KLC1: variants seen among roughly 807,000 people sequenced by gnomAD.
KLC1 encodes kinesin light chain 1.
Under a neutral mutation model 84.2 loss-of-function variants are expected in KLC1, and 30 were observed. The ratio of observed to expected loss-of-function variants is 0.36; its 90% confidence interval spans 0.27 to 0.48. The LOEUF (loss-of-function observed/expected upper bound fraction) is 0.48, where lower values mean the gene tolerates loss of function less well. Among genes scored for constraint, KLC1 ranks in the 20% least tolerant of loss-of-function variants. The pLI, the probability that KLC1 is intolerant of heterozygous loss-of-function variation, is 0.99. For missense variants in KLC1, 499 were observed against 805.4 expected (o/e 0.62, Z 4.60); for synonymous variants, 289 against 293.3 (o/e 0.99, Z 0.15).
intron 5 of KLC1, among the ~76,000 whole-genome samples, chr14:103,667,743 C>A (rs1199102521): frequency 2.6e-5 from 4 of 152,218 alleles, no homozygotes; most frequent in Non-Finnish European, 5.9e-5. Flanking sequence ...TATATTAATA[C>A]GTGGCCAGAA....
intron 3 of KLC1, among the ~76,000 whole-genome samples, chr14:103,660,310 A>G (rs866460875): frequency 1.7e-4 from 25 of 151,136 alleles, no homozygotes; most frequent in African/African-American, 4.4e-4. Flanking sequence ...GTGAAACCCT[A>G]TCTCTACTAA....
Position 103,673,314 on chromosome 14 carries a change from A to T in KLC1, c.1162-18A>T. The stretch of plus-strand genomic sequence containing the variant: ...ACATCTGAAAGATATGAAATATTTT[A>T]TTTTATTTTATTTTAAGGCATCCTG... On this transcript the variant is annotated intron_variant, in intron 8 of 16. Transcript: ENST00000334553. 1 of 1,549,654 alleles carries T rather than the reference A, an allele frequency of 6.5e-7. No homozygotes were observed. The highest frequency in any genetic ancestry group is 8.7e-7 in the Non-Finnish European group (1 of 1,149,476).
chr14:103,664,447 T>A (rs1405061384), intron 5 of KLC1, among the ~76,000 whole-genome samples: 1 of 152,172 alleles, frequency 6.6e-6, no homozygotes. Context: ...CCACTGTGCC[T>A]GGCCAATTGT....
intron 1 of KLC1, among the ~76,000 whole-genome samples, chr14:103,643,337 G>C (rs1038594107): frequency 2.0e-5 from 3 of 152,178 alleles, no homozygotes; most frequent in Non-Finnish European, 4.4e-5. Flanking sequence ...ACTGTGTGTG[G>C]AGGTGGTGGT....
At chr14:103,660,787 T>A (rs2079212699) in intron 3 of KLC1, among the ~76,000 whole-genome samples, 2 of 151,698 alleles carry the variant, frequency 1.3e-5, no homozygotes, top group Admixed American at 1.3e-4. Context: ...GGAGACCCTG[T>A]CTCAGAAAAA....
intron 1 of KLC1, among the ~76,000 whole-genome samples, chr14:103,635,057 C>T (rs2076950326): frequency 6.6e-6 from 1 of 152,126 alleles, no homozygotes; most frequent in South Asian, 2.1e-4. Context: ...TTTTTGGAGG[C>T]AGATGAAAGC....
At chr14:103,685,239 T>C in intron 13 of KLC1, 7 of 1,405,104 alleles carry the variant, frequency 5.0e-6, no homozygotes, top group Non-Finnish European at 5.5e-6. Flanking sequence ...AAAATGTGTT[T>C]TTAAGAGAAT....
At chr14:103,657,871 G>C (rs1049620353) in intron 3 of KLC1, 95 bp downstream of exon 3, 10 of 843,020 alleles carry the variant, frequency 1.2e-5, no homozygotes. Context: ...TTTCATATTA[G>C]AACATATTAG....
chr14:103,658,453 T>A (rs2078996847), intron 3 of KLC1, among the ~76,000 whole-genome samples: 1 of 115,356 alleles, frequency 8.7e-6, no homozygotes, highest in South Asian at 2.7e-4. Context: ...TTTTTTTTTT[T>A]TAGTAGAGAT....
rs2082267058 is a variant in KLC1 at position 103,693,903 on chromosome 14, G to A, written c.1848+1478G>A. 1.6e-6 allele frequency: 2 copies of A among 1,289,868 alleles called. No homozygotes were observed. The highest frequency in any genetic ancestry group is 7.6e-5 in the Admixed American group (2 of 26,230). The allele number at this position is 1,289,868 out of a possible 1,614,324, so 79.9% of individuals were successfully genotyped here. On this transcript the variant is annotated intron_variant, in intron 15 of 16. Coordinates refer to ENST00000334553, the MANE Select transcript of KLC1 (RefSeq NM_001394837.1). This position sits in a 1 kb window ranked among gnomAD's most constrained non-coding sequence, Gnocchi z 5.1. ...CGCTGAGGTGGCTTCAGCACGCTGG[G>A]GATTGGCTCCTGCTCACGGATGCTG...
intron 1 of KLC1, among the ~76,000 whole-genome samples, chr14:103,637,349 G>T (rs909531530): frequency 6.6e-6 from 1 of 151,800 alleles, no homozygotes; most frequent in Admixed American, 6.6e-5. Context: ...GGCCAGTATG[G>T]TGAAACCCCG....
chr14:103,698,587 G>C, intron 15 of KLC1: 1 of 606,114 alleles, frequency 1.6e-6, no homozygotes, highest in Non-Finnish European at 2.9e-6. Context: ...CCTGTCCCCA[G>C]ACCCAGGGAG....
intron 1 of KLC1, among the ~76,000 whole-genome samples, chr14:103,644,011 C>G (rs970611559): frequency 5.3e-5 from 8 of 151,878 alleles, no homozygotes; most frequent in Non-Finnish European, 8.8e-5. Flanking sequence ...GTCAGGAGAT[C>G]GAGACCATCC....
At chr14:103,654,463 C>T (rs1307958060) in intron 1 of KLC1, 101 bp from the exon 2 acceptor site, 6 of 823,928 alleles carry the variant, frequency 7.3e-6, no homozygotes, top group African/African-American at 6.9e-5. Context: ...ATTTATTATT[C>T]CCCTATAAAA....
At chr14:103,635,505 G>A (rs539118885) in intron 1 of KLC1, among the ~76,000 whole-genome samples, 1 of 152,266 alleles carries the variant, frequency 6.6e-6, no homozygotes, top group South Asian at 2.1e-4. Context: ...TGTAATCCCA[G>A]CACTTTGGGA....
At position 103,657,658 on chromosome 14, in the gene KLC1, C is replaced by G. The variant is rs780492526; in HGVS notation, c.374C>G (p.Ala125Gly). Reference sequence around the variant, plus strand: ...AATCAGTGGCTACGGGATGAACTGGCCAACACGCAGCAGAAACTGCAGAAG... The same window carrying G: ...AATCAGTGGCTACGGGATGAACTGGGCAACACGCAGCAGAAACTGCAGAAG... ...QENQWLRDELANTQQKLQKSE... is the reference protein window; with the variant it reads ...QENQWLRDELGNTQQKLQKSE... The change falls in exon 3 of 17, where the codon GCC becomes GGC. Residue 125 changes from alanine to glycine, a missense_variant. By Grantham distance (60) the Ala-to-Gly change is moderately conservative. This residue lies in a region of KLC1 where 179 missense variants were observed against 264.2 expected (regional missense o/e 0.68). Coordinates refer to ENST00000334553, the MANE Select transcript of KLC1 (RefSeq NM_001394837.1). The G allele has an allele frequency of 6.2e-7, 1 of 1,614,078 alleles. No individual in the cohort carries two copies. Among genetic ancestry groups the G allele is most frequent in the South Asian group, 1.1e-5 (1 of 91,072 alleles).
At chr14:103,639,733 C>T (rs1360090831) in intron 1 of KLC1, among the ~76,000 whole-genome samples, 2 of 150,296 alleles carry the variant, frequency 1.3e-5, no homozygotes, top group Non-Finnish European at 3.0e-5. Context: ...AGCCACCACA[C>T]CCGGCCCAGA....
chr14:103,663,479 C>G (rs2079471892), intron 5 of KLC1, among the ~76,000 whole-genome samples: 1 of 152,098 alleles, frequency 6.6e-6, no homozygotes. Context: ...ACAGTGTACC[C>G]CTAACGCCAG....
At chr14:103,683,321 A>G (rs1470426864) in intron 13 of KLC1, 1 of 152,146 alleles carries the variant, frequency 6.6e-6, no homozygotes, top group Non-Finnish European at 1.5e-5. Flanking sequence ...TGATTAAACT[A>G]CTTGACAGCG....
Sources: allele counts gnomAD v4.1 joint callset (sites outside exome capture counted in the v4.1 genomes callset), GRCh38; gene constraint gnomAD v4.1.1; regional missense constraint gnomAD v4.1.1; non-coding constraint Gnocchi (gnomAD v3.1); transcripts MANE v1.5; gene names NCBI Gene and HGNC (gene_info 2026-07-23, HGNC 2026-07-21).